Variants in BEND7 observed in about 807,000 individuals in gnomAD.
BEND7 encodes BEN domain containing 7.
In BEND7, 28 loss-of-function variants were observed where a neutral mutation model predicts 50.9. That is an observed-to-expected ratio of 0.55 (90% CI 0.41 to 0.75). The LOEUF (loss-of-function observed/expected upper bound fraction) is 0.75, where lower values mean the gene tolerates loss of function less well. BEND7 is among the 30% of genes least tolerant of loss of function. The pLI is 0.00. For synonymous variants in BEND7, 170 were observed against 183.9 expected, an observed-to-expected ratio of 0.92 and a Z score of 0.61; for missense variants, 477 against 491.3, an observed-to-expected ratio of 0.97 and a Z score of 0.28.
At chr10:13,471,486 A>C (rs2074827961) in intron 6 of BEND7, among the ~76,000 whole-genome samples, 1 of 152,238 alleles carries the variant, frequency 6.6e-6, no homozygotes, top group African/African-American at 2.4e-5. Context: ...ATTTTCTTCA[A>C]GACTGTCATG....
At chr10:13,499,210 T>G (rs2077258258) in intron 3 of BEND7, among the ~76,000 whole-genome samples, 1 of 152,194 alleles carries the variant, frequency 6.6e-6, no homozygotes, top group African/African-American at 2.4e-5. Context: ...TTAGGAAACT[T>G]AAATTAAGAA....
intron 2 of BEND7, among the ~76,000 whole-genome samples, chr10:13,504,345 A>G (rs539323436): frequency 6.8e-6 from 1 of 147,878 alleles, no homozygotes; most frequent in South Asian, 2.1e-4. Flanking sequence ...ATCCTAAAGC[A>G]AGAGTCTGAA....
intron 2 of BEND7, chr10:13,500,570 G>A (rs113061967): frequency 4.0e-6 from 4 of 989,240 alleles, no homozygotes; most frequent in South Asian, 9.2e-5. Flanking sequence ...TGGCAGGGAC[G>A]CAGGGCTTCA....
chr10:13,439,298 G>A (rs371713909), downstream of BEND7: 90 of 1,614,104 alleles, frequency 5.6e-5, no homozygotes, highest in Non-Finnish European at 7.2e-5. Flanking sequence ...AATGGTGCTT[G>A]AAGTCTTGGC....
chr10:13,477,422 C>T (rs1413772282), intron 6 of BEND7, among the ~76,000 whole-genome samples: 1 of 152,048 alleles, frequency 6.6e-6, no homozygotes, highest in Non-Finnish European at 1.5e-5. Flanking sequence ...ATAAAGAAAC[C>T]ATTTTATCAC....
chr10:13,464,697 A>G (rs963615187), intron 6 of BEND7, among the ~76,000 whole-genome samples: 1 of 152,252 alleles, frequency 6.6e-6, no homozygotes, highest in Non-Finnish European at 1.5e-5. Flanking sequence ...GAAGAGGAAC[A>G]CTATTATTTC....
At chr10:13,499,475 T>C (rs1275505426) in intron 3 of BEND7, among the ~76,000 whole-genome samples, 1 of 152,196 alleles carries the variant, frequency 6.6e-6, no homozygotes, top group African/African-American at 2.4e-5. Context: ...GTTCAGGTTT[T>C]TTTTGTGACA....
chr10:13,447,178 G>C (rs1836537627), intron 8 of BEND7, 88 bp downstream of exon 8: 1 of 1,396,714 alleles, frequency 7.2e-7, no homozygotes, highest in African/African-American at 1.5e-5. Flanking sequence ...GTGTCTGCAT[G>C]TCTAATGTTA....
At chr10:13,439,017 A>G (rs1236892124), downstream of BEND7, 35 of 735,688 alleles carry the variant, frequency 4.8e-5, no homozygotes, top group Non-Finnish European at 6.6e-5. Context: ...CTCAGGTCCA[A>G]CTTTAATCAG....
At chr10:13,510,279 C>A (rs1303573079) in intron 2 of BEND7, among the ~76,000 whole-genome samples, 2 of 152,072 alleles carry the variant, frequency 1.3e-5, no homozygotes, top group African/African-American at 4.8e-5. Context: ...AATTCTTTTC[C>A]TTTCTATGTA....
At position 13,472,744 on chromosome 10, in the gene BEND7, A is replaced by G. The variant is rs549145933; in HGVS notation, c.1063+8155T>C. Among the ~76,000 whole-genome samples the G allele has an allele frequency of 4.0e-5, 6 of 149,598 alleles. No homozygotes were observed. In the East Asian group the frequency reaches 1.2e-3, roughly 30 times the overall value. ...CATCGCTGTTACACTCAGGGCCAAT[A>G]TCTGTCATCACTGTTAGACTCAGGG... is the stretch of plus-strand genomic sequence containing the variant. On this transcript the variant is annotated intron_variant, in intron 6 of 8. Transcript: ENST00000466271.
At chr10:13,490,372 C>A (rs1052487657) in intron 5 of BEND7, among the ~76,000 whole-genome samples, 6 of 152,220 alleles carry the variant, frequency 3.9e-5, no homozygotes, top group African/African-American at 1.4e-4. Context: ...AAAGCCTGCA[C>A]TGCTCTTGCT....
intron 2 of BEND7, among the ~76,000 whole-genome samples, chr10:13,505,010 C>T (rs902578301): frequency 5.9e-5 from 9 of 152,238 alleles, no homozygotes; most frequent in South Asian, 2.1e-4. Context: ...GGATCCACTA[C>T]GTGGAACACG....
chr10:13,500,898 C>T (rs2077396805), intron 2 of BEND7: 3 of 930,624 alleles, frequency 3.2e-6, no homozygotes, highest in Non-Finnish European at 3.8e-6. Context: ...ACTGCCACCT[C>T]CCCTGCAGCG....
chr10:13,480,502 C>T (rs1487982336), intron 6 of BEND7: 1 of 518,354 alleles, frequency 1.9e-6, no homozygotes, highest in Non-Finnish European at 2.5e-6. Flanking sequence ...CAGAGAGAAC[C>T]ATTTTACTTT....
intron 2 of BEND7, among the ~76,000 whole-genome samples, chr10:13,516,218 T>A (rs375293006): frequency 6.6e-6 from 1 of 152,148 alleles, no homozygotes; most frequent in East Asian, 1.9e-4. Context: ...AAATAAAAGA[T>A]CACGGAGGCA....
intron 6 of BEND7, among the ~76,000 whole-genome samples, chr10:13,458,882 A>C (rs1282311639): frequency 6.6e-6 from 1 of 152,080 alleles, no homozygotes; most frequent in Non-Finnish European, 1.5e-5. Context: ...ACTGTCTTAG[A>C]GCTATCATTT....
intron 6 of BEND7, among the ~76,000 whole-genome samples, chr10:13,465,193 A>T (rs1454551467): frequency 6.6e-6 from 1 of 152,240 alleles, no homozygotes; most frequent in Non-Finnish European, 1.5e-5. Context: ...AGGAACTGTA[A>T]GAAGCACTTC....
At chr10:13,467,867 TCCTTC>T (rs2074408007) in intron 6 of BEND7, among the ~76,000 whole-genome samples, 4 of 152,326 alleles carry the variant, frequency 2.6e-5, no homozygotes, top group Admixed American at 2.6e-4. Flanking sequence ...CTTCCCTCTT[TCCTTC>T]CTTCCTGTAT....
Sources: gnomAD v4.1 joint callset for allele counts (sites outside exome capture counted in the v4.1 genomes callset) on GRCh38, gnomAD v4.1.1 for gene constraint, MANE v1.5 for transcripts, NCBI Gene and HGNC (gene_info 2026-07-23, HGNC 2026-07-21) for gene names.